COL21A1: variants seen among roughly 807,000 people sequenced by gnomAD.
COL21A1 encodes collagen alpha-1(XXI) chain.
In COL21A1, 149 loss-of-function variants were observed where a neutral mutation model predicts 137.9. That is an observed-to-expected ratio of 1.08 (90% CI 0.95 to 1.24). The LOEUF (loss-of-function observed/expected upper bound fraction) is 1.24, where lower values mean the gene tolerates loss of function less well. Among genes scored for constraint, COL21A1 ranks in the 50% most tolerant of loss-of-function variants. COL21A1 has a pLI of 0.00. For missense variants in COL21A1, 1,167 were observed against 1,158.4 expected, an observed-to-expected ratio of 1.01 and a Z score of -0.11; for synonymous variants, 456 against 391.5, an observed-to-expected ratio of 1.16 and a Z score of -1.95.
intron 1 of COL21A1, among the ~76,000 whole-genome samples, chr6:56,393,571 G>A (rs942226559): frequency 6.6e-6 from 1 of 152,110 alleles, no homozygotes; most frequent in Admixed American, 6.6e-5. Context: ...GTGGATTGGT[G>A]GAATTGTTAG....
intron 1 of COL21A1, among the ~76,000 whole-genome samples, chr6:56,296,782 A>G (rs568364695): frequency 1.3e-5 from 2 of 152,196 alleles, no homozygotes; most frequent in Admixed American, 1.3e-4. Flanking sequence ...CTAGAAAAAT[A>G]CCCACAAGTG....
At chr6:56,110,560 G>A (rs1440831642) in intron 16 of COL21A1, among the ~76,000 whole-genome samples, 1 of 151,762 alleles carries the variant, frequency 6.6e-6, no homozygotes, top group Non-Finnish European at 1.5e-5. Context: ...TTTATTTGTA[G>A]TCAATATAAT....
At chr6:56,067,428 G>C in intron 22 of COL21A1, 98 bp from the exon 23 acceptor site, 1 of 1,080,204 alleles carries the variant, frequency 9.3e-7, no homozygotes, top group Admixed American at 2.0e-5. Flanking sequence ...ACAACATCTC[G>C]TGCAAACTCC....
intron 1 of COL21A1, among the ~76,000 whole-genome samples, chr6:56,375,360 G>A (rs1030033226): frequency 6.6e-6 from 1 of 152,126 alleles, no homozygotes; most frequent in East Asian, 1.9e-4. Context: ...TTGTCCACTC[G>A]CTTCCAATTG....
intron 1 of COL21A1, among the ~76,000 whole-genome samples, chr6:56,326,783 T>C (rs1035872181): frequency 6.6e-6 from 1 of 152,006 alleles, no homozygotes; most frequent in African/African-American, 2.4e-5. Context: ...AGCTCATCTG[T>C]TCAGTTAAAA....
chr6:56,163,763 C>T (rs1046937961), intron 9 of COL21A1, among the ~76,000 whole-genome samples: 2 of 151,390 alleles, frequency 1.3e-5, no homozygotes, highest in African/African-American at 4.9e-5. Flanking sequence ...ATATTCAGAA[C>T]ATATTATGTA....
At chr6:56,384,636 C>A (rs888374770) in intron 1 of COL21A1, among the ~76,000 whole-genome samples, 29 of 152,144 alleles carry the variant, frequency 1.9e-4, no homozygotes, top group African/African-American at 7.0e-4. Flanking sequence ...TTCTGGCCCA[C>A]AAACAACAGA....
intron 1 of COL21A1, among the ~76,000 whole-genome samples, chr6:56,312,663 C>T (rs139362355): frequency 6.6e-6 from 1 of 151,868 alleles, no homozygotes; most frequent in Non-Finnish European, 1.5e-5. Context: ...GATTTTAGGA[C>T]AGGAATGAAA....
intron 1 of COL21A1, among the ~76,000 whole-genome samples, chr6:56,364,510 A>G (rs1766052491): frequency 6.6e-6 from 1 of 152,200 alleles, no homozygotes. Flanking sequence ...CCTCTCCCAT[A>G]AATCCAACTT....
chr6:56,392,639 A>G (rs1371805493), intron 1 of COL21A1, among the ~76,000 whole-genome samples: 1 of 152,210 alleles, frequency 6.6e-6, no homozygotes, highest in African/African-American at 2.4e-5. Context: ...TCAGTAAACG[A>G]ATTCAGTAAA....
chr6:56,217,182 T>C (rs1250003701), intron 1 of COL21A1, among the ~76,000 whole-genome samples: 1 of 152,106 alleles, frequency 6.6e-6, no homozygotes, highest in Non-Finnish European at 1.5e-5. Flanking sequence ...GCTTTTTAAT[T>C]AAAATTTCTG....
intron 1 of COL21A1, among the ~76,000 whole-genome samples, chr6:56,221,347 G>C (rs1780816755): frequency 1.3e-5 from 2 of 152,220 alleles, no homozygotes; most frequent in East Asian, 3.9e-4. Flanking sequence ...GTAAGTCTTA[G>C]GTTCCAAACT....
intron 1 of COL21A1, among the ~76,000 whole-genome samples, chr6:56,247,117 A>C (rs544148610): frequency 1.3e-5 from 2 of 152,338 alleles, no homozygotes; most frequent in Admixed American, 1.3e-4. Flanking sequence ...TATCGTACTC[A>C]GAAGCCAAAC....
chr6:56,250,541 T>C (rs1782831994), upstream of COL21A1, among the ~76,000 whole-genome samples: 1 of 152,142 alleles, frequency 6.6e-6, no homozygotes, highest in Non-Finnish European at 1.5e-5. Flanking sequence ...GAAATGAATT[T>C]TGTCAACAAC....
At chr6:56,178,325 AT>A (rs1489402754) in intron 3 of COL21A1, among the ~76,000 whole-genome samples, 1 of 152,150 alleles carries the variant, frequency 6.6e-6, no homozygotes, top group East Asian at 1.9e-4. Context: ...ACTACTAGAG[AT>A]TCATAAAAAG....
chr6:56,063,579 GTTACTT>G (rs755369266), intron 24 of COL21A1, among the ~76,000 whole-genome samples: 3 of 151,968 alleles, frequency 2.0e-5, no homozygotes, highest in Non-Finnish European at 4.4e-5. Flanking sequence ...CCTCCTCTTG[GTTACTT>G]TTACTTTTAC....
At chr6:56,293,152 A>G (rs1272091249) in intron 1 of COL21A1, among the ~76,000 whole-genome samples, 1 of 152,166 alleles carries the variant, frequency 6.6e-6, no homozygotes, top group Non-Finnish European at 1.5e-5. Flanking sequence ...GTGCATGTTC[A>G]GTTTTTAGTT....
intron 16 of COL21A1, among the ~76,000 whole-genome samples, chr6:56,115,966 A>C (rs1771883874): frequency 6.6e-6 from 1 of 152,032 alleles, no homozygotes; most frequent in African/African-American, 2.4e-5. Context: ...TAGACTTTGG[A>C]AATAAACAGT....
In COL21A1 at chr6:56,179,849, C is replaced by A. The variant is rs776192714; in HGVS notation, c.369G>T (p.Ala123=). 1.9e-6 allele frequency: 3 copies of A among 1,613,786 alleles called. No individual in the cohort carries two copies. Among genetic ancestry groups the A allele is most frequent in the East Asian group, 2.2e-5 (1 of 44,884 alleles). ...NTKTGKAIQF[A]LDYLFAKSSR... ...AGGACTTGGCAAAAAGGTAATCGAGCGCAAACTGGATGGCCTTCCCTGTCT... is the reference window on the plus strand; with the variant it reads ...AGGACTTGGCAAAAAGGTAATCGAGAGCAAACTGGATGGCCTTCCCTGTCT... Residue 123 remains alanine (A), a synonymous_variant, in exon 3 of 30, where the codon GCG becomes GCT. Transcript: ENST00000244728.
Sources: allele counts gnomAD v4.1 joint callset (sites outside exome capture counted in the v4.1 genomes callset), GRCh38; gene constraint gnomAD v4.1.1; transcripts MANE v1.5; gene names NCBI Gene and HGNC (gene_info 2026-07-23, HGNC 2026-07-21).